Variants in GAD1 observed in about 807,000 individuals in gnomAD.
The protein encoded by GAD1 is 67 kDa glutamic acid decarboxylase.
A neutral mutation model predicts 75.2 loss-of-function variants in GAD1; 35 were observed. That is an observed-to-expected ratio of 0.47 (90% CI 0.36 to 0.62). GAD1 has a LOEUF of 0.62. Ranked by LOEUF, GAD1 falls within the 20% of genes least tolerant of loss-of-function variation. The pLI, the probability that GAD1 is intolerant of heterozygous loss-of-function variation, is 0.00. For synonymous variants in GAD1, 257 were observed against 271.9 expected (o/e 0.95, Z 0.54); for missense variants, 490 against 758.5 (o/e 0.65, Z 4.16).
chr2:170,846,556 A>G (rs1205628166), intron 10 of GAD1, among the ~76,000 whole-genome samples: 1 of 152,260 alleles, frequency 6.6e-6, no homozygotes, highest in Admixed American at 6.5e-5. Context: ...AGTCAGTGCC[A>G]GGTAGCTGTC....
intron 3 of GAD1, among the ~76,000 whole-genome samples, chr2:170,823,186 G>C (rs1435908589): frequency 1.3e-5 from 2 of 152,190 alleles, no homozygotes; most frequent in Non-Finnish European, 2.9e-5. Context: ...AGAGCCATCC[G>C]TCAGCTCCTG....
chr2:170,830,036 G>A (rs1702180668), intron 4 of GAD1, among the ~76,000 whole-genome samples: 1 of 152,056 alleles, frequency 6.6e-6, no homozygotes, highest in Non-Finnish European at 1.5e-5. Context: ...CATAACCAAC[G>A]AGTGTCCTGG....
At chr2:170,846,925 G>T in intron 10 of GAD1, among the ~76,000 whole-genome samples, 1 of 152,188 alleles carries the variant, frequency 6.6e-6, no homozygotes, top group East Asian at 1.9e-4. Flanking sequence ...GATTACTTGA[G>T]TTGGAGAGGT....
intron 14 of GAD1, 146 bp from the exon 15 acceptor site, chr2:170,856,872 C>A: frequency 2.7e-6 from 2 of 740,504 alleles, no homozygotes; most frequent in Non-Finnish European, 2.5e-6. Flanking sequence ...TGTGAAAAAG[C>A]TGACATATTT....
Position 170,818,010 on chromosome 2 carries a change from C to T in GAD1, c.-63-519C>T, listed in dbSNP as rs1363371110. The T allele has an allele frequency of 6.4e-6, 1 of 156,724 alleles. No homozygotes were observed. The highest frequency in any genetic ancestry group is 1.9e-4 in the East Asian group (1 of 5,268). The allele number at this position is 156,724 out of a possible 1,614,324, so 9.7% of individuals were successfully genotyped here. Reference sequence around the variant, plus strand: ...CCCTAGTCCCCGGAGCAGTTAGCCTCTTTCTTTCCAGGGAATTAGCCAGAC... The same window carrying T: ...CCCTAGTCCCCGGAGCAGTTAGCCTTTTTCTTTCCAGGGAATTAGCCAGAC... On this transcript the variant is annotated intron_variant, in intron 1 of 16. Transcript: ENST00000358196. The surrounding 1 kb of genome is among the most constrained non-coding windows in gnomAD (Gnocchi z 5.9).
At chr2:170,842,508 C>T in intron 6 of GAD1, 2 of 1,485,094 alleles carry the variant, frequency 1.3e-6, no homozygotes, top group Non-Finnish European at 1.9e-6. Context: ...GAGTTTGCCT[C>T]TTGGTACACT....
rs1460016509 is a variant in GAD1, at chr2:170,816,941, T to A, written c.-171T>A. The A allele has an allele frequency of 4.2e-5, 8 of 189,326 alleles. No individual in the cohort carries two copies. Among genetic ancestry groups the A allele is most frequent in the Non-Finnish European group, 6.6e-5 (6 of 91,546 alleles). The allele number at this position is 189,326 out of a possible 1,614,324, so 11.7% of individuals were successfully genotyped here. A position where few individuals can be genotyped will look rare whatever the true frequency, so the allele number is the denominator to read the frequency against. ...GAACTAGCGAGAACGAGGAAGCAGCTGGAGGTGACGCCGGGCAGATTACGC... is the reference window on the plus strand; with the variant it reads ...GAACTAGCGAGAACGAGGAAGCAGCAGGAGGTGACGCCGGGCAGATTACGC... On this transcript the variant is annotated 5_prime_UTR_variant, in exon 1 of 17. Transcript: ENST00000358196.
chr2:170,818,540 G>T lies in GAD1; in HGVS notation c.-52G>T. 6.5e-7 allele frequency: 1 copy of T among 1,529,242 alleles called. No individual in the cohort carries two copies. The allele number at this position is 1,529,242 out of a possible 1,614,324, so 94.7% of individuals were successfully genotyped here. On this transcript the variant is annotated 5_prime_UTR_variant, in exon 2 of 17. Transcript: ENST00000358196. This position sits in a 1 kb window ranked among gnomAD's most constrained non-coding sequence, Gnocchi z 5.9. ...GCTTCTCTTTGCAGCCTGTTTCTGC[G>T]CCGGACCAGTCGAGGACTCTGGACA...
chr2:170,825,396 AAAAC>A (rs1437977343), intron 3 of GAD1, among the ~76,000 whole-genome samples: 9 of 152,196 alleles, frequency 5.9e-5, no homozygotes, highest in Admixed American at 1.3e-4. Context: ...CCCTGTCTCA[AAAAC>A]AAACAAACAA....
chr2:170,840,879 G>T (rs1408750785), intron 6 of GAD1, among the ~76,000 whole-genome samples: 1 of 152,156 alleles, frequency 6.6e-6, no homozygotes, highest in African/African-American at 2.4e-5. Context: ...AGGGAAAATT[G>T]ATATGGGTAG....
In GAD1 at chr2:170,818,751, C is replaced by G; in HGVS notation, c.82+78C>G. ...CTGGGACGTCGGGAGGCTGAGCTGG[C>G]GGAAAGGGAAGGGGGAGCGCGGAGA... On this transcript the variant is annotated intron_variant, in intron 2 of 16. Coordinates refer to ENST00000358196, the MANE Select transcript of GAD1 (RefSeq NM_000817.3). The surrounding 1 kb of genome is among the most constrained non-coding windows in gnomAD (Gnocchi z 5.9). 1 of 1,389,332 alleles carries G rather than the reference C, an allele frequency of 7.2e-7. No individual in the cohort carries two copies. Among genetic ancestry groups the G allele is most frequent in the African/African-American group, 1.4e-5 (1 of 70,296 alleles). The allele number at this position is 1,389,332 out of a possible 1,614,324, so 86.1% of individuals were successfully genotyped here.
intron 15 of GAD1, among the ~76,000 whole-genome samples, chr2:170,858,393 CAAGAA>C (rs1385940319): frequency 6.6e-6 from 1 of 152,006 alleles, no homozygotes. Flanking sequence ...CCTGAGTCAT[CAAGAA>C]AAGATTCAAT....
intron 5 of GAD1, among the ~76,000 whole-genome samples, chr2:170,832,660 GCGCGCACACACACA>G (rs1199101514): frequency 2.9e-4 from 23 of 79,424 alleles, no homozygotes; most frequent in Admixed American, 7.8e-4. Context: ...ATGCGCGCGC[GCGCGCACACACACA>G]CACACACACA....
At chr2:170,813,400 C>T (rs960650078), upstream of GAD1, 10 of 152,204 alleles carry the variant, frequency 6.6e-5, no homozygotes, top group Non-Finnish European at 1.2e-4. Context: ...CAGTTCTCGT[C>T]TCGGGAGACA....
chr2:170,855,545 T>A (rs1034533447), intron 14 of GAD1, among the ~76,000 whole-genome samples: 3 of 151,874 alleles, frequency 2.0e-5, no homozygotes, highest in Non-Finnish European at 4.4e-5. Context: ...TGAATTTGAT[T>A]TCTATTACAA....
At chr2:170,829,254 C>T (rs2105775123) in intron 3 of GAD1, 1 of 584,972 alleles carries the variant, frequency 1.7e-6, no homozygotes, top group Non-Finnish European at 3.0e-6. Context: ...CTGTTTTTCT[C>T]TCTTGCATGA....
At chr2:170,825,345 C>T (rs555679813) in intron 3 of GAD1, among the ~76,000 whole-genome samples, 24 of 152,096 alleles carry the variant, frequency 1.6e-4, no homozygotes, top group Non-Finnish European at 2.8e-4. Context: ...GCTATGATGG[C>T]GCCACTACAC....
intron 5 of GAD1, among the ~76,000 whole-genome samples, chr2:170,833,050 CCA>C (rs1327960151): frequency 6.6e-6 from 1 of 152,238 alleles, no homozygotes; most frequent in African/African-American, 2.4e-5. Context: ...TTAGTTGCCA[CCA>C]CAGGGGAAGC....
intron 4 of GAD1, 99 bp downstream of exon 4, chr2:170,829,732 T>C: frequency 7.5e-7 from 1 of 1,333,728 alleles, no homozygotes; most frequent in Middle Eastern, 2.4e-4. Flanking sequence ...TCAAGAAATG[T>C]CATTATTCTC....
Sources: gnomAD v4.1 joint callset for allele counts (sites outside exome capture counted in the v4.1 genomes callset) on GRCh38, gnomAD v4.1.1 for gene constraint, Gnocchi (gnomAD v3.1) non-coding constraint, MANE v1.5 for transcripts, NCBI Gene and HGNC (gene_info 2026-07-23, HGNC 2026-07-21) for gene names.